Variants in MRC1 observed in about 807,000 individuals in gnomAD.
The protein encoded by MRC1 is mannose receptor C-type 1, also known as macrophage mannose receptor 1.
In MRC1, 62 loss-of-function variants were observed where a neutral mutation model predicts 102.9. That is an observed-to-expected ratio of 0.60 (90% confidence interval 0.49 to 0.74). The LOEUF (loss-of-function observed/expected upper bound fraction) is 0.74, where lower values mean the gene tolerates loss of function less well. MRC1 is among the 30% of genes least tolerant of loss of function. The pLI, the probability that MRC1 is intolerant of heterozygous loss-of-function variation, is 0.00. For synonymous variants in MRC1, 457 were observed against 298.4 expected (o/e 1.53, Z -5.48); for missense variants, 1,237 against 862.8 (o/e 1.43, Z -5.43).
At chr10:17,830,377 C>A (rs1326272209) in intron 3 of MRC1, among the ~76,000 whole-genome samples, 1 of 151,350 alleles carries the variant, frequency 6.6e-6, no homozygotes, top group African/African-American at 2.5e-5. Flanking sequence ...AATGATCCAC[C>A]CACCTCGGCC....
In MRC1 at chr10:17,823,484, C is replaced by T. The variant is rs1376194518; in HGVS notation, c.463+9C>T. 1.0e-5 allele frequency: 8 copies of T among 780,304 alleles called. No homozygotes were observed. Among genetic ancestry groups the T allele is most frequent in the Non-Finnish European group, 1.9e-5 (8 of 417,898 alleles). 48.3% of individuals were successfully genotyped at this position (780,304 alleles called of 1,614,324 possible). A position where few individuals can be genotyped will look rare whatever the true frequency, so the allele number is the denominator to read the frequency against. The stretch of plus-strand genomic sequence containing the variant: ...CTCCAGAGGTTATGAAGGTAAGATG[C>T]CTGGAATTTTCACCTTCGTGTTGAA... On this transcript the variant is annotated intron_variant, in intron 2 of 29. Coordinates refer to ENST00000569591, the MANE Select transcript of MRC1 (RefSeq NM_002438.4).
intron 18 of MRC1, 111 bp from the exon 19 acceptor site, chr10:17,879,610 G>T (rs1248782595): frequency 2.6e-6 from 2 of 778,522 alleles, no homozygotes; most frequent in Non-Finnish European, 4.8e-6. Flanking sequence ...TGATCCACTC[G>T]CCTCGGCCTC....
At chr10:17,885,529 A>C in intron 22 of MRC1, 94 bp downstream of exon 22, 1 of 742,256 alleles carries the variant, frequency 1.3e-6, no homozygotes, top group Non-Finnish European at 2.5e-6. Context: ...AATCTACCAG[A>C]ATACTCCTTG....
At chr10:17,836,946 A>G (rs1406814955) in intron 4 of MRC1, among the ~76,000 whole-genome samples, 1 of 152,114 alleles carries the variant, frequency 6.6e-6, no homozygotes, top group Non-Finnish European at 1.5e-5. Flanking sequence ...GTTTGAATTT[A>G]TTTGTGGGGT....
intron 13 of MRC1, 66 bp downstream of exon 13, chr10:17,870,439 T>G: frequency 1.3e-6 from 1 of 779,156 alleles, no homozygotes. Flanking sequence ...GTTGAGAAAA[T>G]TTGTCTGTTT....
At chr10:17,863,002 T>A (rs1442017928) in intron 10 of MRC1, 2 of 154,800 alleles carry the variant, frequency 1.3e-5, no homozygotes, top group African/African-American at 4.8e-5. Context: ...GGAGATTGAG[T>A]CTCTGCTTCT....
intron 16 of MRC1, among the ~76,000 whole-genome samples, chr10:17,874,560 G>A (rs934945977): frequency 2.0e-5 from 3 of 152,240 alleles, no homozygotes; most frequent in Non-Finnish European, 4.4e-5. Flanking sequence ...AGATACCTTT[G>A]GGAGCTTTTA....
intron 17 of MRC1, 28 bp downstream of exon 17, chr10:17,875,281 T>A: frequency 1.3e-6 from 1 of 778,534 alleles, no homozygotes; most frequent in Non-Finnish European, 2.4e-6. Context: ...TTTTTAAAAT[T>A]TTAATAGTTT....
Position 17,870,377 on chromosome 10 carries a change from A to T in MRC1, c.2111+4A>T. 1 of 780,350 alleles carries T rather than the reference A, an allele frequency of 1.3e-6. No individual in the cohort carries two copies. Among genetic ancestry groups the T allele is most frequent in the African/African-American group, 1.7e-5 (1 of 59,202 alleles). The allele number at this position is 780,350 out of a possible 1,614,324, so 48.3% of individuals were successfully genotyped here. Reference sequence around the variant, plus strand: ...AAACAATATGGCGATTAATAACGTAAGTGGTATTTTTATGGATTCCTCCTT... The same window carrying T: ...AAACAATATGGCGATTAATAACGTATGTGGTATTTTTATGGATTCCTCCTT... On this transcript the variant is annotated splice_donor_region_variant and intron_variant, in intron 13 of 29. Transcript: ENST00000569591.
chr10:17,860,447 A>G (rs988255393), intron 9 of MRC1, among the ~76,000 whole-genome samples: 2 of 151,778 alleles, frequency 1.3e-5, no homozygotes, highest in Non-Finnish European at 2.9e-5. Context: ...AGCTAATTTT[A>G]TAAAATTTTC....
intron 21 of MRC1, 149 bp downstream of exon 21, chr10:17,881,330 T>G (rs1245272454): frequency 2.1e-5 from 14 of 651,372 alleles, no homozygotes; most frequent in Non-Finnish European, 3.3e-5. Context: ...TTGAAAACTA[T>G]TTTATTCCAT....
rs1833579089 is a variant in MRC1, at chr10:17,885,442, A to G, written c.3147+7A>G. 5 of 780,556 alleles carry G rather than the reference A, an allele frequency of 6.4e-6. No homozygotes were observed. The highest frequency in any genetic ancestry group is 1.7e-5 in the African/African-American group (1 of 59,094). 48.4% of individuals were successfully genotyped at this position (780,556 alleles called of 1,614,324 possible). A position where few individuals can be genotyped will look rare whatever the true frequency, so the allele number is the denominator to read the frequency against. On this transcript the variant is annotated splice_region_variant and intron_variant, in intron 22 of 29. Transcript: ENST00000569591. ...CAGTCTTTCTTATGAAGATGTAAAT[A>G]TCAGATTCAGGTCACCTCTCTACAC...
chr10:17,902,233 T>C, intron 26 of MRC1, 111 bp downstream of exon 26: 1 of 656,460 alleles, frequency 1.5e-6, no homozygotes. Flanking sequence ...ATATTTTTAA[T>C]GATTTATTTT....
chr10:17,818,273 A>G (rs1838342314), intron 1 of MRC1, among the ~76,000 whole-genome samples: 3 of 152,212 alleles, frequency 2.0e-5, no homozygotes, highest in East Asian at 3.8e-4. Context: ...CTTCCGCTTA[A>G]TAAACATTCT....
At chr10:17,835,718 A>T (rs1554839413) in intron 4 of MRC1, among the ~76,000 whole-genome samples, 2 of 152,214 alleles carry the variant, frequency 1.3e-5, no homozygotes, top group African/African-American at 4.8e-5. Flanking sequence ...CCTGTTTGGA[A>T]AACTAGACAG....
At chr10:17,891,459 C>G (rs1485361585) in intron 22 of MRC1, among the ~76,000 whole-genome samples, 2 of 152,098 alleles carry the variant, frequency 1.3e-5, no homozygotes, top group African/African-American at 4.8e-5. Flanking sequence ...AGCCATTGCG[C>G]CCGGTGCTCA....
At chr10:17,867,023 C>T (rs1434808737) in intron 12 of MRC1, among the ~76,000 whole-genome samples, 1 of 151,914 alleles carries the variant, frequency 6.6e-6, no homozygotes, top group African/African-American at 2.4e-5. Context: ...GCTATCACCT[C>T]CTCTCTGCTT....
intron 28 of MRC1, 77 bp downstream of exon 28, chr10:17,907,775 T>C: frequency 1.3e-6 from 1 of 765,090 alleles, no homozygotes; most frequent in Non-Finnish European, 2.4e-6. Context: ...AGGTATGGAA[T>C]CATAATGTGA....
At position 17,823,106 on chromosome 10, in the gene MRC1, C is replaced by T. The variant is rs1276016294; in HGVS notation, c.94C>T (p.His32Tyr). The change falls in exon 2 of 30, where the codon CAC becomes TAC. Residue 32 changes from histidine (H) to tyrosine (Y), a missense_variant. His to Tyr is a moderately conservative substitution (Grantham distance 83). Coordinates refer to ENST00000569591, the MANE Select transcript of MRC1 (RefSeq NM_002438.4). The stretch of plus-strand genomic sequence containing the variant: ...GCAATTTTTAATCTATAATGAAGAT[C>T]ACAAGCGCTGCGTGGATGCAGTGAG... ...TRQFLIYNED[H>Y]KRCVDAVSPS... The T allele has an allele frequency of 6.4e-6, 5 of 780,722 alleles. No homozygotes were observed. The highest frequency in any genetic ancestry group is 1.2e-5 in the Non-Finnish European group (5 of 417,968). 48.4% of individuals were successfully genotyped at this position (780,722 alleles called of 1,614,324 possible). A position where few individuals can be genotyped will look rare whatever the true frequency, so the allele number is the denominator to read the frequency against.
Sources: allele counts gnomAD v4.1 joint callset (sites outside exome capture counted in the v4.1 genomes callset), GRCh38; gene constraint gnomAD v4.1.1; transcripts MANE v1.5; gene names NCBI Gene and HGNC (gene_info 2026-07-23, HGNC 2026-07-21).